WDR45B: variants seen among roughly 807,000 people sequenced by gnomAD.
WDR45B encodes WD repeat domain 45B.
A neutral mutation model predicts 44.6 loss-of-function variants in WDR45B; 20 were observed. That is an observed-to-expected ratio of 0.45 (90% CI 0.32 to 0.65). The LOEUF (loss-of-function observed/expected upper bound fraction) is 0.65, where lower values mean the gene tolerates loss of function less well. Among genes scored for constraint, WDR45B ranks in the 30% least tolerant of loss-of-function variants. The pLI is 0.05. For missense variants in WDR45B, 323 were observed against 430.2 expected, an observed-to-expected ratio of 0.75 and a Z score of 2.20; for synonymous variants, 169 against 164.9, an observed-to-expected ratio of 1.02 and a Z score of -0.19.
chr17:82,622,924 A>G (rs2143273682), intron 5 of WDR45B, among the ~76,000 whole-genome samples: 1 of 152,362 alleles, frequency 6.6e-6, no homozygotes, highest in Middle Eastern at 3.4e-3. Flanking sequence ...ATCCACATAG[A>G]ACAGAAAGGA....
At position 82,648,375 on chromosome 17, in the gene WDR45B, T is replaced by A. The variant is rs774886648; in HGVS notation, c.-35A>T. The A allele has an allele frequency of 6.3e-7, 1 of 1,597,332 alleles. No individual in the cohort carries two copies. The highest frequency in any genetic ancestry group is 2.3e-5 in the East Asian group (1 of 43,604). ...GTGCTGGGTCGCCGCTCCTCAGCGC[T>A]GCATGCCTCTCGCTGGGGACGGCGG... On this transcript the variant is annotated 5_prime_UTR_variant, in exon 1 of 10. Coordinates refer to ENST00000392325, the MANE Select transcript of WDR45B (RefSeq NM_019613.4).
At chr17:82,632,479 G>C (rs1286921140) in intron 2 of WDR45B, among the ~76,000 whole-genome samples, 1 of 152,074 alleles carries the variant, frequency 6.6e-6, no homozygotes, top group African/African-American at 2.4e-5. Flanking sequence ...GCTCCCAACT[G>C]TTCATGAATT....
At chr17:82,637,668 ACTTC>A (rs1162852049) in intron 2 of WDR45B, among the ~76,000 whole-genome samples, 3 of 152,040 alleles carry the variant, frequency 2.0e-5, no homozygotes, top group Admixed American at 6.5e-5. Context: ...TCAGGGAAAC[ACTTC>A]CTTATGTTTA....
chr17:82,644,522 A>C (rs2045953183), intron 1 of WDR45B: 2 of 191,206 alleles, frequency 1.0e-5, no homozygotes, highest in Non-Finnish European at 1.1e-5. Flanking sequence ...AATCATCCTA[A>C]CTCCTTAAAA....
Position 82,621,608 on chromosome 17 carries a change from C to T in WDR45B, c.618+1G>A. The T allele has an allele frequency of 6.2e-7, 1 of 1,614,182 alleles. No individual in the cohort carries two copies. Among genetic ancestry groups the T allele is most frequent in the Non-Finnish European group, 8.5e-7 (1 of 1,180,042 alleles). ...ACCAACAAGGTGAGTGGCACACTTA[C>T]TTTCTCGGATGCAGTTGCAATTCTT... On this transcript the variant is annotated splice_donor_variant, in intron 6 of 9. Transcript: ENST00000392325. LOFTEE classifies it high-confidence loss of function.
intron 1 of WDR45B, among the ~76,000 whole-genome samples, chr17:82,645,543 CATGGGA>C (rs916492309): frequency 9.2e-5 from 14 of 151,594 alleles, no homozygotes; most frequent in Non-Finnish European, 1.5e-5. Context: ...GGTGTAGAGC[CATGGGA>C]ACTCTTAGAC....
At chr17:82,643,801 G>A in intron 2 of WDR45B, 148 bp downstream of exon 2, 1 of 792,096 alleles carries the variant, frequency 1.3e-6, no homozygotes. Context: ...AAAGAAAGAG[G>A]ACAGCTCCCT....
chr17:82,617,814 C>G lies in WDR45B; in HGVS notation c.705-417G>C, dbSNP rs183283718. ...CCTATGGAGGTCAGCTGGGCTGGGG[C>G]AGGCATTGGCCGTGTGCTGTCTGTT... On this transcript the variant is annotated intron_variant, in intron 7 of 9. Coordinates refer to ENST00000392325, the MANE Select transcript of WDR45B (RefSeq NM_019613.4). Among the ~76,000 whole-genome samples, 66 of 152,348 alleles carry G rather than the reference C, an allele frequency of 4.3e-4. No homozygotes were observed. The East Asian group carries it at 0.012, about 28-fold the overall frequency.
intron 2 of WDR45B, among the ~76,000 whole-genome samples, chr17:82,633,643 G>A (rs574664604): frequency 5.9e-5 from 9 of 152,286 alleles, no homozygotes; most frequent in African/African-American, 2.2e-4. Flanking sequence ...TACTGGCCAA[G>A]ATATGAAGCT....
chr17:82,622,836 G>T (rs2143273225), intron 5 of WDR45B, among the ~76,000 whole-genome samples: 1 of 151,532 alleles, frequency 6.6e-6, no homozygotes, highest in East Asian at 1.9e-4. Flanking sequence ...CAGAAACACA[G>T]ATCAATGGAA....
chr17:82,639,738 G>A (rs968152670), intron 2 of WDR45B, among the ~76,000 whole-genome samples: 1 of 150,718 alleles, frequency 6.6e-6, no homozygotes, highest in South Asian at 2.1e-4. Flanking sequence ...GGTCAGGTAG[G>A]CTGCTGGGCT....
rs2045631789 is a variant in WDR45B, at chr17:82,622,454, G to A, written c.428-655C>T. Among the ~76,000 whole-genome samples the A allele has an allele frequency of 2.6e-5, 4 of 152,070 alleles. 1 individual carries two copies. The highest frequency in any genetic ancestry group is 1.3e-4 in the Admixed American group (2 of 15,264). ...CCCAAATTTTTTATTTTTTTGAGAC[G>A]GAGCCTGGCCCTGTCACCCAGGCTG... On this transcript the variant is annotated intron_variant, in intron 5 of 9. Transcript: ENST00000392325.
intron 3 of WDR45B, among the ~76,000 whole-genome samples, chr17:82,628,370 G>A (rs1382469930): frequency 1.3e-5 from 2 of 152,118 alleles, no homozygotes; most frequent in East Asian, 1.9e-4. Context: ...GCATAAATTA[G>A]CAGTTTGTGT....
At chr17:82,617,781 A>C (rs1302328781) in intron 7 of WDR45B, among the ~76,000 whole-genome samples, 1 of 152,214 alleles carries the variant, frequency 6.6e-6, no homozygotes, top group Non-Finnish European at 1.5e-5. Context: ...AGGAAGGTGC[A>C]GGCTGCCCCT....
Position 82,621,655 on chromosome 17 carries a change from A to G in WDR45B, c.572T>C (p.Ile191Thr). ...IPAHEGVLSC[I>T]ALNLQGTRIA... ...TCTTGTTCCCTGCAGGTTGAGTGCA[A>G]TGCAGCTCAGGACACCCTCGTGTGC... The change falls in exon 6 of 10, where the codon ATT becomes ACT. Residue 191 changes from isoleucine to threonine, a missense_variant. Physicochemically the swap from Ile to Thr is moderately conservative, Grantham distance 89 (BLOSUM62 -1). Coordinates refer to ENST00000392325, the MANE Select transcript of WDR45B (RefSeq NM_019613.4). The G allele has an allele frequency of 1.9e-6, 3 of 1,614,186 alleles. No homozygotes were observed. Among genetic ancestry groups the G allele is most frequent in the Non-Finnish European group, 2.5e-6 (3 of 1,180,028 alleles).
intron 2 of WDR45B, among the ~76,000 whole-genome samples, chr17:82,641,187 G>C (rs559423591): frequency 1.3e-5 from 2 of 151,956 alleles, no homozygotes; most frequent in African/African-American, 2.4e-5. Context: ...GGCTGGTCTC[G>C]AACTCCTGAG....
chr17:82,632,129 A>C (rs914882962), intron 2 of WDR45B, among the ~76,000 whole-genome samples: 1 of 152,108 alleles, frequency 6.6e-6, no homozygotes, highest in African/African-American at 2.4e-5. Context: ...AAAACCCCAC[A>C]AAACTTTAAT....
intron 1 of WDR45B, among the ~76,000 whole-genome samples, chr17:82,647,685 AC>A (rs1173303874): frequency 1.3e-5 from 2 of 148,640 alleles, no homozygotes; most frequent in African/African-American, 2.5e-5. Flanking sequence ...TCCGATGGAA[AC>A]CGACGGGAAA....
chr17:82,638,404 AC>A (rs2045868307), intron 2 of WDR45B, among the ~76,000 whole-genome samples: 1 of 151,718 alleles, frequency 6.6e-6, no homozygotes. Context: ...CAATATTGTA[AC>A]AAAAAGACTA....
Sources: gnomAD v4.1 joint callset for allele counts (sites outside exome capture counted in the v4.1 genomes callset) on GRCh38, gnomAD v4.1.1 for gene constraint, MANE v1.5 for transcripts, NCBI Gene and HGNC (gene_info 2026-07-23, HGNC 2026-07-21) for gene names.